UPP1: variants seen among roughly 807,000 people sequenced by gnomAD.
UPP1 encodes the protein uridine phosphorylase 1.
UPP1 carries 25 observed loss-of-function variants against 29.6 expected under a neutral mutation model. The observed-to-expected ratio is 0.85, with a 90% confidence interval of 0.62 to 1.18. The LOEUF (loss-of-function observed/expected upper bound fraction) is 1.18. UPP1 is among the 50% of genes most tolerant of loss of function. The pLI, the probability that UPP1 is intolerant of heterozygous loss-of-function variation, is 0.00. For synonymous variants in UPP1, 165 were observed against 159.8 expected, an observed-to-expected ratio of 1.03 and a Z score of -0.25; for missense variants, 368 against 410.4, an observed-to-expected ratio of 0.90 and a Z score of 0.89.
chr7:48,108,503 T>A lies in UPP1; in HGVS notation c.*146T>A. ...GATTAAGAGACAGAGAATCTTGGATTAACCGCATGGGAGATGTTCTTCCTT... is the reference window on the plus strand; with the variant it reads ...GATTAAGAGACAGAGAATCTTGGATAAACCGCATGGGAGATGTTCTTCCTT... On this transcript the variant is annotated 3_prime_UTR_variant, in exon 9 of 9. Coordinates refer to ENST00000395564, the MANE Select transcript of UPP1 (RefSeq NM_003364.4). 1.1e-6 allele frequency: 1 copy of A among 935,218 alleles called. No homozygotes were observed. Among genetic ancestry groups the A allele is most frequent in the Non-Finnish European group, 1.5e-6 (1 of 664,164 alleles). The allele number at this position is 935,218 out of a possible 1,614,324, so 57.9% of individuals were successfully genotyped here. A position where few individuals can be genotyped will look rare whatever the true frequency, so the allele number is the denominator to read the frequency against.
At chr7:48,106,761 G>C in intron 6 of UPP1, 112 bp from the exon 7 acceptor site, 1 of 916,926 alleles carries the variant, frequency 1.1e-6, no homozygotes, top group South Asian at 1.5e-5. Context: ...TGGATGTGTG[G>C]GTGGATCTGC....
intron 3 of UPP1, among the ~76,000 whole-genome samples, chr7:48,097,023 T>C (rs1792162626): frequency 6.6e-6 from 1 of 152,180 alleles, no homozygotes. Context: ...TTTCATATAT[T>C]TCTTTTACAT....
chr7:48,101,436 G>A (rs1454268130), intron 4 of UPP1, among the ~76,000 whole-genome samples: 1 of 152,088 alleles, frequency 6.6e-6, no homozygotes, highest in Non-Finnish European at 1.5e-5. Context: ...CATTTTGTGG[G>A]GCCCTGGTAA....
In UPP1 at chr7:48,107,411, C is replaced by G; in HGVS notation, c.697C>G (p.Gln233Glu). The change falls in exon 8 of 9, where the codon CAG becomes GAG. Residue 233 changes from glutamine to glutamate, a missense_variant. By Grantham distance (29) the Gln-to-Glu change is conservative. Coordinates refer to ENST00000395564, the MANE Select transcript of UPP1 (RefSeq NM_003364.4). ...ALCSYTEKDK[Q>E]AYLEAAYAAG... ...CTGCTCCTACACGGAGAAGGACAAG[C>G]AGGCGTATCTGGAGGCAGCCTATGC... The G allele has an allele frequency of 6.2e-7, 1 of 1,614,194 alleles. No homozygotes were observed. Among genetic ancestry groups the G allele is most frequent in the Non-Finnish European group, 8.5e-7 (1 of 1,180,016 alleles).
rs1003366428 is a variant in UPP1 at position 48,108,686 on chromosome 7, A to G, written c.*329A>G. On this transcript the variant is annotated 3_prime_UTR_variant, in exon 9 of 9. Coordinates refer to ENST00000395564, the MANE Select transcript of UPP1 (RefSeq NM_003364.4). Reference sequence around the variant, plus strand: ...ATGTCACTAAACAAGAAATCTGACAATAGTGCCAGGAAACTAATTTCCTGA... The same window carrying G: ...ATGTCACTAAACAAGAAATCTGACAGTAGTGCCAGGAAACTAATTTCCTGA... 4.4e-5 allele frequency: 9 copies of G among 204,430 alleles called. No homozygotes were observed. Among genetic ancestry groups the G allele is most frequent in the African/African-American group, 1.8e-4 (8 of 43,488 alleles). 12.7% of individuals were successfully genotyped at this position (204,430 alleles called of 1,614,324 possible).
Position 48,108,225 on chromosome 7 carries a change from GGTGTGTGTCACCCTCCT to G in UPP1, c.803_819del (p.Val268GlufsTer54). 1 of 1,612,884 alleles carries G rather than the reference GGTGTGTGTCACCCTCCT, an allele frequency of 6.2e-7. No individual in the cohort carries two copies. The highest frequency in any genetic ancestry group is 1.1e-5 in the South Asian group (1 of 90,956). ...GGTCTTTGTCCTTTGCAGCGGCCGT[GGTGTGTGTCACCCTCCT>G]GAACCGCCTGGAAGGGGACCAGATC... On this transcript the variant is annotated frameshift_variant, in exon 9 of 9. Coordinates refer to ENST00000395564, the MANE Select transcript of UPP1 (RefSeq NM_003364.4). LOFTEE classifies it high-confidence loss of function.
intron 2 of UPP1, among the ~76,000 whole-genome samples, chr7:48,090,933 G>A (rs1791795842): frequency 6.6e-6 from 1 of 152,106 alleles, no homozygotes; most frequent in Admixed American, 6.5e-5. Context: ...CATTTAAGAA[G>A]GATAAATTAG....
intron 2 of UPP1, among the ~76,000 whole-genome samples, chr7:48,091,781 A>T (rs974396414): frequency 6.6e-6 from 1 of 152,138 alleles, no homozygotes; most frequent in East Asian, 1.9e-4. Flanking sequence ...TTGCAAAGGG[A>T]AAGAGAGAGT....
chr7:48,105,811 C>A (rs1792700312), intron 6 of UPP1: 2 of 152,322 alleles, frequency 1.3e-5, no homozygotes, highest in South Asian at 2.1e-4. Flanking sequence ...GACCTAATCA[C>A]CTCCCAAAGG....
At chr7:48,104,941 A>T (rs1357611688) in intron 6 of UPP1, 1 of 152,238 alleles carries the variant, frequency 6.6e-6, no homozygotes. Flanking sequence ...CTCTGTAAAA[A>T]TGGAAAGAGC....
chr7:48,107,341 T>C lies in UPP1; in HGVS notation c.647-20T>C. 1.3e-6 allele frequency: 2 copies of C among 1,598,124 alleles called. No individual in the cohort carries two copies. The highest frequency in any genetic ancestry group is 1.7e-6 in the Non-Finnish European group (2 of 1,170,498). On this transcript the variant is annotated intron_variant, in intron 7 of 8. Transcript: ENST00000395564. ...GCTTCTCACATGCATGTGGTTCTCA[T>C]GTCTCCATGTGTGCCTCAGGGCAAG...
intron 1 of UPP1, among the ~76,000 whole-genome samples, 168 bp from the exon 2 acceptor site, chr7:48,090,020 T>A (rs1190578366): frequency 6.6e-6 from 1 of 152,208 alleles, no homozygotes; most frequent in Non-Finnish European, 1.5e-5. Context: ...CAAGTGGCCA[T>A]CGAGTCAACA....
chr7:48,108,292 G>A lies in UPP1; in HGVS notation c.868G>A (p.Glu290Lys), dbSNP rs370462830. The change falls in exon 9 of 9, where the codon GAG becomes AAG. Residue 290 changes from glutamate (E) to lysine (K), a missense_variant. By Grantham distance (56) the Glu-to-Lys change is moderately conservative. Coordinates refer to ENST00000395564, the MANE Select transcript of UPP1 (RefSeq NM_003364.4). ...QISSPRNVLS[E>K]YQQRPQRLVS... ...CAGCAGCCCTCGCAATGTGCTCAGC[G>A]AGTACCAGCAGAGGCCGCAGCGGCT... The A allele has an allele frequency of 4.8e-5, 78 of 1,614,020 alleles. No individual in the cohort carries two copies. Among genetic ancestry groups the A allele is most frequent in the Non-Finnish European group, 5.9e-5 (70 of 1,180,042 alleles).
At chr7:48,095,558 A>G (rs976984465) in intron 3 of UPP1, among the ~76,000 whole-genome samples, 1 of 151,810 alleles carries the variant, frequency 6.6e-6, no homozygotes, top group Non-Finnish European at 1.5e-5. Context: ...TCATAATTCC[A>G]TATGGACAAT....
At chr7:48,102,082 T>C in intron 5 of UPP1, 100 bp downstream of exon 5, 2 of 1,338,958 alleles carry the variant, frequency 1.5e-6, no homozygotes, top group Non-Finnish European at 2.0e-6. Context: ...AACACCTGCT[T>C]ACTGTAAATG....
upstream of UPP1, chr7:48,088,976 T>C (rs1188214551): frequency 6.6e-6 from 1 of 152,298 alleles, no homozygotes; most frequent in Non-Finnish European, 1.5e-5. Context: ...CAGAACTGGC[T>C]GCTGGTTCTT....
intron 4 of UPP1, among the ~76,000 whole-genome samples, chr7:48,101,182 G>A (rs1033305492): frequency 6.6e-6 from 1 of 152,146 alleles, no homozygotes; most frequent in Admixed American, 6.5e-5. Context: ...TGGGATTACA[G>A]GTGTGAGCCA....
rs768982029 is a variant in UPP1 at position 48,107,054 on chromosome 7, C to T, written c.618C>T (p.Asn206=). The T allele has an allele frequency of 9.9e-6, 16 of 1,612,178 alleles. No individual in the cohort carries two copies. Among genetic ancestry groups the T allele is most frequent in the Non-Finnish European group, 1.3e-5 (15 of 1,179,886 alleles). ...GCGAGTTCACCACAGTGGTGGGGAA[C>T]ACCATGTGCACCTTGGACTTCTATG... ...ELSEFTTVVG[N]TMCTLDFYEG... The change falls in exon 7 of 9, where the codon AAC becomes AAT. Residue 206 remains asparagine (N), a synonymous_variant. Coordinates refer to ENST00000395564, the MANE Select transcript of UPP1 (RefSeq NM_003364.4).
At chr7:48,108,043 A>G (rs1583887018) in intron 8 of UPP1, among the ~76,000 whole-genome samples, 175 bp from the exon 9 acceptor site, 1 of 152,116 alleles carries the variant, frequency 6.6e-6, no homozygotes. Flanking sequence ...GAGCCCCTGG[A>G]CCAGCGCCTT....
Sources: gnomAD v4.1 joint callset for allele counts (sites outside exome capture counted in the v4.1 genomes callset) on GRCh38, gnomAD v4.1.1 for gene constraint, MANE v1.5 for transcripts, NCBI Gene and HGNC (gene_info 2026-07-23, HGNC 2026-07-21) for gene names.